The following MAP2 variants were observed in gnomAD, a reference collection of about 807,000 sequenced individuals.
MAP2 encodes microtubule-associated protein 2.
Under a neutral mutation model 137.6 loss-of-function variants are expected in MAP2, and 14 were observed. That is an observed-to-expected ratio of 0.10 (90% CI 0.07 to 0.16). The LOEUF is 0.16. MAP2 is among the 10% of genes least tolerant of loss of function. The pLI is 1.00. For synonymous variants in MAP2, 786 were observed against 782.3 expected (o/e 1.00, Z -0.08); for missense variants, 2,088 against 2,191.5 (o/e 0.95, Z 0.94).
intron 1 of MAP2, among the ~76,000 whole-genome samples, chr2:209,500,655 A>G (rs2150110316): frequency 6.6e-6 from 1 of 152,138 alleles, no homozygotes; most frequent in Non-Finnish European, 1.5e-5. Context: ...TTATCCCACT[A>G]GATTCTAACT....
intron 3 of MAP2, among the ~76,000 whole-genome samples, chr2:209,600,152 A>G (rs568589642): frequency 1.3e-5 from 2 of 152,242 alleles, no homozygotes; most frequent in East Asian, 3.9e-4. Flanking sequence ...GCTTCTTTCT[A>G]CCCATTTCAC....
At chr2:209,427,840 G>T (rs1174044395) in intron 1 of MAP2, among the ~76,000 whole-genome samples, 1 of 151,982 alleles carries the variant, frequency 6.6e-6, no homozygotes, top group Non-Finnish European at 1.5e-5. Flanking sequence ...TTGGGTGGGT[G>T]GGTAGGTGGG....
intron 3 of MAP2, among the ~76,000 whole-genome samples, chr2:209,594,799 CT>C (rs1454049510): frequency 2.6e-5 from 4 of 152,038 alleles, no homozygotes; most frequent in Non-Finnish European, 5.9e-5. Flanking sequence ...TTTCCTCGGC[CT>C]TTATTTTCTG....
intron 4 of MAP2, among the ~76,000 whole-genome samples, chr2:209,644,871 G>C (rs1449982907): frequency 1.4e-5 from 2 of 146,214 alleles, no homozygotes. Flanking sequence ...TTCTTTTTTA[G>C]TAAAATGTAT....
At chr2:209,470,992 A>G (rs10208979) in intron 1 of MAP2, among the ~76,000 whole-genome samples, 81,751 of 151,906 alleles carry the variant, frequency 0.54, 22,865 homozygotes, top group Middle Eastern at 0.63. Context: ...ATCAGTATTC[A>G]TGTCCCTGTT....
At chr2:209,534,072 T>G (rs1046703020) in intron 2 of MAP2, among the ~76,000 whole-genome samples, 1 of 152,182 alleles carries the variant, frequency 6.6e-6, no homozygotes, top group African/African-American at 2.4e-5. Flanking sequence ...TACCAAGACC[T>G]GCCAAAGTGC....
chr2:209,634,134 T>C (rs989209066), intron 4 of MAP2, among the ~76,000 whole-genome samples: 1 of 152,148 alleles, frequency 6.6e-6, no homozygotes, highest in Non-Finnish European at 1.5e-5. Flanking sequence ...AAGTTTGCTC[T>C]CTCACTTCTC....
chr2:209,488,603 G>A (rs953049976), intron 1 of MAP2, among the ~76,000 whole-genome samples: 1 of 152,142 alleles, frequency 6.6e-6, no homozygotes, highest in Non-Finnish European at 1.5e-5. Flanking sequence ...TTGGTGGGGG[G>A]AGGGGTGTCT....
chr2:209,487,755 CA>C (rs1448236246), intron 1 of MAP2, among the ~76,000 whole-genome samples: 1 of 152,204 alleles, frequency 6.6e-6, no homozygotes, highest in Non-Finnish European at 1.5e-5. Context: ...CACATAAATA[CA>C]GCATTATTCA....
chr2:209,618,830 C>G (rs960474461), intron 3 of MAP2, among the ~76,000 whole-genome samples: 1 of 152,154 alleles, frequency 6.6e-6, no homozygotes, highest in East Asian at 1.9e-4. Context: ...TATCTACACT[C>G]CTATGATGAT....
chr2:209,522,250 C>T (rs1250678870), intron 2 of MAP2, among the ~76,000 whole-genome samples: 1 of 151,990 alleles, frequency 6.6e-6, no homozygotes, highest in Non-Finnish European at 1.5e-5. Flanking sequence ...AAGCCATGGC[C>T]ATACACTTCT....
chr2:209,598,404 T>C (rs2081968912), intron 3 of MAP2, among the ~76,000 whole-genome samples: 1 of 151,984 alleles, frequency 6.6e-6, no homozygotes, highest in South Asian at 2.1e-4. Context: ...GATACTTTTT[T>C]TAAAATTTAT....
At chr2:209,621,722 G>A (rs1487412296) in intron 3 of MAP2, among the ~76,000 whole-genome samples, 2 of 152,274 alleles carry the variant, frequency 1.3e-5, no homozygotes, top group East Asian at 3.9e-4. Flanking sequence ...AGTTCTTACA[G>A]CCGTTGAGGA....
At chr2:209,676,590 A>G (rs911085695) in intron 5 of MAP2, among the ~76,000 whole-genome samples, 13 of 151,338 alleles carry the variant, frequency 8.6e-5, no homozygotes, top group African/African-American at 3.2e-4. Context: ...GAAACCTTAT[A>G]TAGTGTGGGA....
At chr2:209,495,960 AAT>A (rs1163336097) in intron 1 of MAP2, among the ~76,000 whole-genome samples, 3 of 152,190 alleles carry the variant, frequency 2.0e-5, no homozygotes, top group Non-Finnish European at 2.9e-5. Context: ...AAATGGGTGA[AAT>A]AGTTTCAATT....
chr2:209,542,965 C>T (rs924695681), intron 2 of MAP2, among the ~76,000 whole-genome samples: 1 of 152,154 alleles, frequency 6.6e-6, no homozygotes, highest in Non-Finnish European at 1.5e-5. Context: ...TTTTCATTTG[C>T]GTTCACAATT....
intron 2 of MAP2, among the ~76,000 whole-genome samples, chr2:209,539,034 G>C (rs1678057929): frequency 1.3e-5 from 2 of 152,080 alleles, no homozygotes; most frequent in Admixed American, 1.3e-4. Flanking sequence ...CATCTTTTCT[G>C]TGTGATCTTG....
chr2:209,548,097 T>A (rs1347344043), intron 2 of MAP2, among the ~76,000 whole-genome samples: 2 of 152,218 alleles, frequency 1.3e-5, no homozygotes, highest in Non-Finnish European at 1.5e-5. Flanking sequence ...AGTGTCCTGA[T>A]TGCTTCAGTT....
At chr2:209,449,915 TTATC>T (rs1699950252) in intron 1 of MAP2, among the ~76,000 whole-genome samples, 1 of 152,150 alleles carries the variant, frequency 6.6e-6, no homozygotes, top group South Asian at 2.1e-4. Context: ...TTTAAGTCAC[TTATC>T]TTTTTTATTT....
Sources: gnomAD v4.1 joint callset for allele counts (sites outside exome capture counted in the v4.1 genomes callset) on GRCh38, gnomAD v4.1.1 for gene constraint, MANE v1.5 for transcripts, NCBI Gene and HGNC (gene_info 2026-07-23, HGNC 2026-07-21) for gene names.